Variants in CEP350 observed in about 807,000 individuals in gnomAD.
CEP350 encodes centrosomal protein 350, also known as centrosome-associated protein 350.
CEP350 carries 126 observed loss-of-function variants against 331.8 expected under a neutral mutation model. The observed-to-expected ratio is 0.38, with a 90% confidence interval of 0.33 to 0.44. CEP350 has a LOEUF of 0.44. CEP350 is among the 20% of genes least tolerant of loss of function. The pLI is 1.00. For missense variants in CEP350, 3,406 were observed against 3,634.6 expected (o/e 0.94, Z 1.62); for synonymous variants, 1,200 against 1,259.5 (o/e 0.95, Z 1.00).
intron 14 of CEP350, among the ~76,000 whole-genome samples, chr1:180,027,938 C>T (rs79352565): frequency 0.083 from 12,676 of 152,082 alleles, 703 homozygotes; most frequent in Non-Finnish European, 0.12. Context: ...CCAGTTTATA[C>T]GTCCAATGAG....
In CEP350 at chr1:180,003,304, C is replaced by A; in HGVS notation, c.1132+17C>A. On this transcript the variant is annotated intron_variant, in intron 7 of 37. Coordinates refer to ENST00000367607, the MANE Select transcript of CEP350 (RefSeq NM_014810.5). ...ACTTTGCAGGTGAGAATAGAGCTTT[C>A]TTATGTTTTGAGTATTTTGTCATAC... is the stretch of plus-strand genomic sequence containing the variant. 6.7e-7 allele frequency: 1 copy of A among 1,497,430 alleles called. No homozygotes were observed. The highest frequency in any genetic ancestry group is 1.2e-5 in the South Asian group (1 of 83,000). The allele number at this position is 1,497,430 out of a possible 1,614,324, so 92.8% of individuals were successfully genotyped here. A position where few individuals can be genotyped will look rare whatever the true frequency, so the allele number is the denominator to read the frequency against.
intron 23 of CEP350, 145 bp from the exon 24 acceptor site, chr1:180,053,603 CAT>C (rs1318848335): frequency 8.2e-6 from 4 of 488,396 alleles, no homozygotes; most frequent in Non-Finnish European, 1.5e-5. Flanking sequence ...TAATCTGCCT[CAT>C]GTGCCTTTTT....
At position 179,986,210 on chromosome 1, in the gene CEP350, C is replaced by T. The variant is rs748447831; in HGVS notation, c.29C>T (p.Pro10Leu). Residue 10 changes from proline (P) to leucine (L), a missense_variant, in exon 2 of 38, where the codon CCT becomes CTT. By Grantham distance (98) the Pro-to-Leu change is moderately conservative. Coordinates refer to ENST00000367607, the MANE Select transcript of CEP350 (RefSeq NM_014810.5). ...AGGAGCAGCAAATCAAAAGAGGTGC[C>T]TTTACCAAATCCAAGGAACTCTCAA... is the stretch of plus-strand genomic sequence containing the variant. MRSSKSKEVPLPNPRNSQSK... is the reference protein window; with the variant it reads MRSSKSKEVLLPNPRNSQSK... 5.2e-6 allele frequency: 8 copies of T among 1,551,328 alleles called. No individual in the cohort carries two copies. Among genetic ancestry groups the T allele is most frequent in the South Asian group, 3.6e-5 (3 of 83,964 alleles).
chr1:180,010,225 C>T (rs1475165245), intron 8 of CEP350, among the ~76,000 whole-genome samples: 1 of 151,944 alleles, frequency 6.6e-6, no homozygotes, highest in Non-Finnish European at 1.5e-5. Flanking sequence ...GAAATAGTAA[C>T]TATTCACCAT....
rs772463321 is a variant in CEP350, at chr1:180,075,092, C to A, written c.5638C>A (p.Arg1880=). 1.2e-6 allele frequency: 2 copies of A among 1,613,262 alleles called. No individual in the cohort carries two copies. The highest frequency in any genetic ancestry group is 1.7e-6 in the Non-Finnish European group (2 of 1,179,648). The change falls in exon 28 of 38, where the codon CGA becomes AGA. Residue 1880 remains arginine, a synonymous_variant. Transcript: ENST00000367607. ...QHAEELLEWK[R]RLDAEEAEIR... ...TGCAGAGGAGCTCCTAGAGTGGAAG[C>A]GACGTTTAGATGCAGAAGAAGCAGA...
chr1:180,059,241 G>A (rs1408626151), intron 25 of CEP350, among the ~76,000 whole-genome samples: 2 of 152,162 alleles, frequency 1.3e-5, no homozygotes, highest in African/African-American at 2.4e-5. Flanking sequence ...CCCTTTCACA[G>A]GTCTGGAAGG....
chr1:180,090,110 G>C (rs554492017), intron 32 of CEP350, among the ~76,000 whole-genome samples: 2 of 152,316 alleles, frequency 1.3e-5, no homozygotes, highest in African/African-American at 2.4e-5. Context: ...CTGCAGACAG[G>C]AGGAAAGGCA....
intron 37 of CEP350, among the ~76,000 whole-genome samples, chr1:180,103,499 C>G (rs1271800706): frequency 6.6e-6 from 1 of 152,110 alleles, no homozygotes; most frequent in Non-Finnish European, 1.5e-5. Flanking sequence ...ATCATTCTGA[C>G]CTCTCGTTGC....
chr1:179,989,698 GTGTGTA>G (rs1652909742), intron 3 of CEP350, among the ~76,000 whole-genome samples: 2 of 152,098 alleles, frequency 1.3e-5, no homozygotes, highest in Admixed American at 6.5e-5. Flanking sequence ...ATATTGCAGA[GTGTGTA>G]TGTGAAACCT....
At chr1:179,958,830 C>G (rs1571767952) in intron 1 of CEP350, among the ~76,000 whole-genome samples, 2 of 152,112 alleles carry the variant, frequency 1.3e-5, no homozygotes, top group South Asian at 4.2e-4. Flanking sequence ...ATAAGTTGCA[C>G]TATACTATAG....
chr1:180,053,778 A>G lies in CEP350; in HGVS notation c.5018A>G (p.Gln1673Arg). Residue 1673 changes from glutamine (Q) to arginine (R), a missense_variant, in exon 24 of 38, where the codon CAA (glutamine) becomes CGA (arginine). By Grantham distance (43) the Gln-to-Arg change is conservative. This residue lies in a region of CEP350 where 104 missense variants were observed against 143.3 expected (regional missense o/e 0.73). Coordinates refer to ENST00000367607, the MANE Select transcript of CEP350 (RefSeq NM_014810.5). Reference protein sequence around the residue: ...KELNMPFSGGQDSFSKFTMEM... With the variant: ...KELNMPFSGGRDSFSKFTMEM... ...CTGAACATGCCATTCTCAGGAGGACAAGATAGCTTTTCTAAATTTACTATG... is the reference window on the plus strand; with the variant it reads ...CTGAACATGCCATTCTCAGGAGGACGAGATAGCTTTTCTAAATTTACTATG... 1 of 1,603,884 alleles carries G rather than the reference A, an allele frequency of 6.2e-7. No individual in the cohort carries two copies. Among genetic ancestry groups the G allele is most frequent in the Non-Finnish European group, 8.5e-7 (1 of 1,173,378 alleles).
chr1:180,068,094 G>A (rs1238551690), intron 27 of CEP350, among the ~76,000 whole-genome samples: 1 of 152,180 alleles, frequency 6.6e-6, no homozygotes, highest in Non-Finnish European at 1.5e-5. Flanking sequence ...TTCTCAGTAA[G>A]TTTAGCTAGT....
In CEP350 at chr1:179,986,153, A is replaced by G. The variant is rs1190507179; in HGVS notation, c.-13-16A>G. 2 of 1,540,382 alleles carry G rather than the reference A, an allele frequency of 1.3e-6. No homozygotes were observed. The highest frequency in any genetic ancestry group is 1.2e-5 in the South Asian group (1 of 83,578). On this transcript the variant is annotated splice_polypyrimidine_tract_variant and intron_variant, in intron 1 of 37. Coordinates refer to ENST00000367607, the MANE Select transcript of CEP350 (RefSeq NM_014810.5). ...ATTATAAGATTGATGTTCGGTGAAT[A>G]CTGATGTGATTGCAGGTAAATTGGC...
chr1:180,042,368 A>G (rs1402414336), intron 19 of CEP350, among the ~76,000 whole-genome samples: 1 of 152,220 alleles, frequency 6.6e-6, no homozygotes, highest in Non-Finnish European at 1.5e-5. Flanking sequence ...CTGTCTCTAC[A>G]TAGGATATCA....
At chr1:180,021,293 G>A (rs1655304717) in intron 12 of CEP350, among the ~76,000 whole-genome samples, 1 of 152,134 alleles carries the variant, frequency 6.6e-6, no homozygotes, top group African/African-American at 2.4e-5. Context: ...CATAGATGAT[G>A]TTCAGGATTG....
At chr1:179,964,285 A>G (rs966785828) in intron 1 of CEP350, among the ~76,000 whole-genome samples, 1 of 151,948 alleles carries the variant, frequency 6.6e-6, no homozygotes, top group Non-Finnish European at 1.5e-5. Context: ...GCCTTTTTTT[A>G]AATTTTAATT....
chr1:179,969,388 G>T, intron 1 of CEP350: 2 of 515,026 alleles, frequency 3.9e-6, no homozygotes, highest in South Asian at 2.8e-5. Context: ...CTGAGGGCGT[G>T]CGGGTGCCCT....
intron 13 of CEP350, among the ~76,000 whole-genome samples, chr1:180,023,476 G>T (rs1206906544): frequency 6.6e-6 from 1 of 152,096 alleles, no homozygotes; most frequent in Non-Finnish European, 1.5e-5. Flanking sequence ...TGACTCCATG[G>T]TTCCAAGTAA....
chr1:180,025,420 A>G (rs1373598391), intron 14 of CEP350, among the ~76,000 whole-genome samples: 1 of 152,124 alleles, frequency 6.6e-6, no homozygotes, highest in Non-Finnish European at 1.5e-5. Context: ...ACTCATTGGC[A>G]TTCAGTAAAT....
Sources: gnomAD v4.1 joint callset for allele counts (sites outside exome capture counted in the v4.1 genomes callset) on GRCh38, gnomAD v4.1.1 for gene constraint, gnomAD v4.1.1 regional missense constraint, MANE v1.5 for transcripts, NCBI Gene and HGNC (gene_info 2026-07-23, HGNC 2026-07-21) for gene names.